FBXO25: variants seen among roughly 807,000 people sequenced by gnomAD.
FBXO25 encodes the protein F-box only protein 25.
In FBXO25, 45 loss-of-function variants were observed where a neutral mutation model predicts 51.9. The observed-to-expected ratio is 0.87, with a 90% CI of 0.68 to 1.11. The LOEUF (loss-of-function observed/expected upper bound fraction) is 1.11, where lower values mean the gene tolerates loss of function less well. FBXO25 is among the 50% of genes most tolerant of loss of function. The pLI is 0.00. For missense variants in FBXO25, 507 were observed against 428.5 expected (o/e 1.18, Z -1.62); for synonymous variants, 199 against 151.0 (o/e 1.32, Z -2.33).
At position 431,385 on chromosome 8, in the gene FBXO25, A is replaced by G. The variant is rs749949108; in HGVS notation, c.179A>G (p.His60Arg). Residue 60 changes from histidine to arginine, a missense_variant, in exon 3 of 10, where the codon CAT becomes CGT. Transcript: ENST00000350302. The stretch of plus-strand genomic sequence containing the variant: ...GGAGAAATATTCAATAATGAAGAGC[A>G]TGAATATGCATCGAAAAAAAGGAAA... ...EDGEIFNNEE[H>R]EYASKKRKKD... 1.9e-6 allele frequency: 3 copies of G among 1,555,452 alleles called. No individual in the cohort carries two copies. The highest frequency in any genetic ancestry group is 2.6e-6 in the Non-Finnish European group (3 of 1,149,558).
intron 5 of FBXO25, among the ~76,000 whole-genome samples, chr8:437,741 T>G (rs1798186264): frequency 1.2e-5 from 1 of 81,506 alleles, no homozygotes; most frequent in East Asian, 2.5e-4. Context: ...TGTGTGCTAT[T>G]TTTTTTTTTT....
intron 7 of FBXO25, among the ~76,000 whole-genome samples, chr8:456,193 A>G (rs1799417145): frequency 6.6e-6 from 1 of 152,158 alleles, no homozygotes; most frequent in Non-Finnish European, 1.5e-5. Flanking sequence ...ATTTACTTGC[A>G]CGTTATCTTT....
At chr8:455,982 T>C (rs1234567168) in intron 7 of FBXO25, among the ~76,000 whole-genome samples, 1 of 152,360 alleles carries the variant, frequency 6.6e-6, no homozygotes, top group Admixed American at 6.5e-5. Flanking sequence ...CACCAGACTC[T>C]ATAACTCTAC....
intron 2 of FBXO25, among the ~76,000 whole-genome samples, chr8:421,877 T>C (rs556941049): frequency 2.4e-4 from 37 of 152,190 alleles, no homozygotes; most frequent in African/African-American, 8.2e-4. Flanking sequence ...CTGGAGCAGT[T>C]TGAGCCACAG....
At position 458,564 on chromosome 8, in the gene FBXO25, C is replaced by T. The variant is rs878998087; in HGVS notation, c.843+13C>T. 4 of 1,612,228 alleles carry T rather than the reference C, an allele frequency of 2.5e-6. No individual in the cohort carries two copies. The highest frequency in any genetic ancestry group is 3.3e-5 in the Admixed American group (2 of 59,946). ...TGCTGAAAAGCAGGTGAGTGGGATG[C>T]AGCAGTCTCCCCTCAGGCTGGGAGT... On this transcript the variant is annotated intron_variant, in intron 8 of 9. Coordinates refer to ENST00000350302, the MANE Select transcript of FBXO25 (RefSeq NM_183420.2).
chr8:454,193 T>G (rs1318078652), intron 7 of FBXO25, among the ~76,000 whole-genome samples: 2 of 152,244 alleles, frequency 1.3e-5, no homozygotes, highest in African/African-American at 4.8e-5. Context: ...AGAAATTTAG[T>G]ATATATTTGT....
rs554319999 is a variant in FBXO25, at chr8:434,527, C to A, written c.289-1088C>A. Among the ~76,000 whole-genome samples, 6 of 152,200 alleles carry A rather than the reference C, an allele frequency of 3.9e-5. No homozygotes were observed. The East Asian group carries it at 9.7e-4, about 25-fold the overall frequency. On this transcript the variant is annotated intron_variant, in intron 4 of 9. Coordinates refer to ENST00000350302, the MANE Select transcript of FBXO25 (RefSeq NM_183420.2). The stretch of plus-strand genomic sequence containing the variant: ...TTGTTGAGTTGTGCACCCGTCAGGG[C>A]GATTGGGGTTGGCGCACAGAAGCAC...
rs927592249 is a variant in FBXO25, at chr8:476,057, A to G, written c.*7253A>G. ...TTTAGGTTGTTTCCTTCTATTCCCA[A>G]TTGTTGAGTTTTTATCATGAAAGGG... On this transcript the variant is annotated 3_prime_UTR_variant, in exon 10 of 10. Transcript: ENST00000350302. The G allele has an allele frequency of 7.2e-5, 11 of 152,002 alleles. No individual in the cohort carries two copies. The highest frequency in any genetic ancestry group is 1.9e-4 in the East Asian group (1 of 5,188). The allele number at this position is 152,002 out of a possible 1,614,324, so 9.4% of individuals were successfully genotyped here.
intron 7 of FBXO25, among the ~76,000 whole-genome samples, chr8:454,694 A>G (rs1799305046): frequency 6.6e-6 from 1 of 152,114 alleles, no homozygotes; most frequent in Non-Finnish European, 1.5e-5. Context: ...GATAGAGACC[A>G]TGCTGGCTAA....
intron 7 of FBXO25, among the ~76,000 whole-genome samples, chr8:456,289 A>G (rs1799425015): frequency 6.6e-6 from 1 of 152,164 alleles, no homozygotes; most frequent in African/African-American, 2.4e-5. Flanking sequence ...AGCTCACTGC[A>G]GCCTTTAACT....
chr8:446,258 C>G (rs535939412), intron 5 of FBXO25, among the ~76,000 whole-genome samples: 1 of 152,246 alleles, frequency 6.6e-6, no homozygotes, highest in East Asian at 1.9e-4. Context: ...AGAACTCTCT[C>G]TCCCAGACTC....
intron 7 of FBXO25, among the ~76,000 whole-genome samples, chr8:454,691 AC>A: frequency 6.6e-6 from 1 of 152,212 alleles, no homozygotes; most frequent in East Asian, 1.9e-4. Flanking sequence ...AGAGATAGAG[AC>A]CATGCTGGCT....
chr8:461,601 C>T (rs1255746714), intron 8 of FBXO25, among the ~76,000 whole-genome samples: 5 of 152,132 alleles, frequency 3.3e-5, no homozygotes, highest in South Asian at 2.1e-4. Flanking sequence ...CAAGATTTGG[C>T]GGGGGACACA....
At chr8:434,550 C>G (rs1229804031) in intron 4 of FBXO25, among the ~76,000 whole-genome samples, 2 of 152,162 alleles carry the variant, frequency 1.3e-5, no homozygotes, top group Admixed American at 6.5e-5. Context: ...CGCACAGAAG[C>G]ACATGAGCCT....
At chr8:424,439 A>C (rs1395313549) in intron 2 of FBXO25, among the ~76,000 whole-genome samples, 1 of 152,188 alleles carries the variant, frequency 6.6e-6, no homozygotes, top group Non-Finnish European at 1.5e-5. Context: ...TTCTTTGCCA[A>C]GGCCAACGTC....
Position 470,688 on chromosome 8 carries a change from G to T in FBXO25, c.*1884G>T, listed in dbSNP as rs556706701. 70 of 152,254 alleles carry T rather than the reference G, an allele frequency of 4.6e-4. No homozygotes were observed. The highest frequency in any genetic ancestry group is 1.6e-3 in the African/African-American group (65 of 41,540). 9.4% of individuals were successfully genotyped at this position (152,254 alleles called of 1,614,324 possible). On this transcript the variant is annotated 3_prime_UTR_variant, in exon 10 of 10. Coordinates refer to ENST00000350302, the MANE Select transcript of FBXO25 (RefSeq NM_183420.2). Reference sequence around the variant, plus strand: ...GAGCCACCACGTCCAGCTGAGAAAAGAAATTGTTCTAATCTAGGAAAGGGA... The same window carrying T: ...GAGCCACCACGTCCAGCTGAGAAAATAAATTGTTCTAATCTAGGAAAGGGA...
At chr8:417,450 G>C (rs1324712189) in intron 2 of FBXO25, among the ~76,000 whole-genome samples, 1 of 152,240 alleles carries the variant, frequency 6.6e-6, no homozygotes, top group African/African-American at 2.4e-5. Context: ...GTATTCTGCA[G>C]GTGGAACTGA....
At chr8:467,635 C>G (rs1800259964) in intron 9 of FBXO25, 6 of 1,353,976 alleles carry the variant, frequency 4.4e-6, no homozygotes, top group Non-Finnish European at 5.3e-6. Flanking sequence ...CTTAGATACA[C>G]TCTGGCTCTT....
chr8:421,884 A>G (rs1797178302), intron 2 of FBXO25, among the ~76,000 whole-genome samples: 1 of 152,226 alleles, frequency 6.6e-6, no homozygotes, highest in Non-Finnish European at 1.5e-5. Flanking sequence ...AGTTTGAGCC[A>G]CAGGATAGAC....
Sources: gnomAD v4.1 joint callset for allele counts (sites outside exome capture counted in the v4.1 genomes callset) on GRCh38, gnomAD v4.1.1 for gene constraint, MANE v1.5 for transcripts, NCBI Gene and HGNC (gene_info 2026-07-23, HGNC 2026-07-21) for gene names.